The following MAMDC2 variants were observed in gnomAD, a reference collection of about 807,000 sequenced individuals.
MAMDC2 encodes MAM domain containing 2, also known as MAM domain-containing protein 2.
A neutral mutation model predicts 89.8 loss-of-function variants in MAMDC2; 57 were observed. The observed-to-expected ratio is 0.63, with a 90% CI of 0.51 to 0.79. The LOEUF is 0.79. MAMDC2 is among the 30% of genes least tolerant of loss of function. The pLI is 0.00. For synonymous variants in MAMDC2, 313 were observed against 293.4 expected (o/e 1.07, Z -0.68); for missense variants, 800 against 820.6 (o/e 0.97, Z 0.31).
intron 11 of MAMDC2, among the ~76,000 whole-genome samples, chr9:70,197,048 A>C (rs2032986287): frequency 8.4e-6 from 1 of 119,080 alleles, no homozygotes; most frequent in Non-Finnish European, 1.8e-5. Flanking sequence ...CTGCTATAAA[A>C]AATGAAATGA....
chr9:70,185,944 C>T (rs767283009), intron 11 of MAMDC2, among the ~76,000 whole-genome samples: 23 of 152,166 alleles, frequency 1.5e-4, no homozygotes, highest in African/African-American at 4.8e-4. Context: ...AAAAATCACT[C>T]GTCTTCTGCA....
intron 11 of MAMDC2, among the ~76,000 whole-genome samples, chr9:70,207,270 T>C (rs2033246666): frequency 1.3e-5 from 2 of 152,170 alleles, no homozygotes; most frequent in Admixed American, 1.3e-4. Context: ...TTCCTATTTC[T>C]CCACATCCTC....
rs1017555375 is a variant in MAMDC2, at chr9:70,146,137, T to C, written c.1404+2318T>C. ...GTTTAGGAATCTGCCCATTCCTTTA[T>C]AGTGAGTCTCTGCTTATACCTGAAT... On this transcript the variant is annotated intron_variant, in intron 9 of 13. Transcript: ENST00000377182. Among the ~76,000 whole-genome samples, 3 of 152,206 alleles carry C rather than the reference T, an allele frequency of 2.0e-5. No homozygotes were observed. In the East Asian group the frequency reaches 5.8e-4, roughly 29 times the overall value.
At chr9:70,214,559 A>G (rs1158186832) in intron 11 of MAMDC2, among the ~76,000 whole-genome samples, 1 of 152,220 alleles carries the variant, frequency 6.6e-6, no homozygotes, top group Non-Finnish European at 1.5e-5. Flanking sequence ...GGAAGGTTTT[A>G]AATGAGTGGT....
intron 11 of MAMDC2, among the ~76,000 whole-genome samples, chr9:70,182,066 C>T (rs1210389176): frequency 3.9e-5 from 6 of 151,950 alleles, no homozygotes; most frequent in African/African-American, 7.2e-5. Flanking sequence ...TAGCATGAAG[C>T]GGTGTTGAAT....
chr9:70,044,273 G>A, intron 1 of MAMDC2, 42 bp downstream of exon 1: 1 of 1,600,010 alleles, frequency 6.2e-7, no homozygotes, highest in East Asian at 2.2e-5. Flanking sequence ...GCGCTCTGAC[G>A]ACTCGCCCCC....
At chr9:70,164,822 T>C (rs1319529746) in intron 9 of MAMDC2, among the ~76,000 whole-genome samples, 4 of 151,910 alleles carry the variant, frequency 2.6e-5, no homozygotes, top group Non-Finnish European at 5.9e-5. Flanking sequence ...AATTCTTTTG[T>C]AGAGATGGAA....
At chr9:70,161,597 C>T (rs948312715) in intron 9 of MAMDC2, among the ~76,000 whole-genome samples, 3 of 152,230 alleles carry the variant, frequency 2.0e-5, no homozygotes, top group Non-Finnish European at 2.9e-5. Context: ...TAAAGCCTCA[C>T]ACTTACTTTT....
At position 70,103,986 on chromosome 9, in the gene MAMDC2, T is replaced by TA. The variant is rs111553707; in HGVS notation, c.149-4212dup. ...GGCACAGCAAGACTCCGTCTCCATTTAAAAAAAAAAAAAGGTGAAAAGACA... is the reference window on the plus strand; with the variant it reads ...GGCACAGCAAGACTCCGTCTCCATTTAAAAAAAAAAAAAAGGTGAAAAGACA... On this transcript the variant is annotated intron_variant, in intron 2 of 13. Coordinates refer to ENST00000377182, the MANE Select transcript of MAMDC2 (RefSeq NM_153267.5). Among the ~76,000 whole-genome samples the TA allele has an allele frequency of 8.6e-3, 1,210 of 141,500 alleles. 7 individuals carry two copies. Among genetic ancestry groups the TA allele is most frequent in the African/African-American group, 0.028 (1,103 of 38,910 alleles). 92.8% of individuals were successfully genotyped at this position (141,500 alleles called of 152,430 possible). A position where few individuals can be genotyped will look rare whatever the true frequency, so the allele number is the denominator to read the frequency against.
chr9:70,220,567 CAGGCA>C (rs1355928489), intron 12 of MAMDC2, among the ~76,000 whole-genome samples: 1 of 152,216 alleles, frequency 6.6e-6, no homozygotes, highest in Non-Finnish European at 1.5e-5. Context: ...TGCTACATGC[CAGGCA>C]CTTACAGTGC....
At chr9:70,129,839 A>G (rs76907514) in intron 6 of MAMDC2, among the ~76,000 whole-genome samples, 7,856 of 152,202 alleles carry the variant, frequency 0.052, 222 homozygotes, top group South Asian at 0.074. Flanking sequence ...TTTGTATGTC[A>G]TTGTTCTGGA....
intron 11 of MAMDC2, among the ~76,000 whole-genome samples, chr9:70,201,710 G>C (rs1398898072): frequency 7.2e-6 from 1 of 138,386 alleles, no homozygotes; most frequent in African/African-American, 2.9e-5. Context: ...GTAAACTATT[G>C]ATTATTGCCA....
chr9:70,210,483 T>C (rs1190509368), intron 11 of MAMDC2, among the ~76,000 whole-genome samples: 2 of 152,218 alleles, frequency 1.3e-5, no homozygotes, highest in Non-Finnish European at 2.9e-5. Flanking sequence ...TTCCATTTGC[T>C]TGGTAGGTCT....
chr9:70,208,416 A>G (rs1211656326), intron 11 of MAMDC2, among the ~76,000 whole-genome samples: 3 of 152,264 alleles, frequency 2.0e-5, no homozygotes, highest in South Asian at 2.1e-4. Flanking sequence ...AAGTTCACTC[A>G]TGATTTGGCT....
chr9:70,072,196 T>G (rs1373747262), intron 2 of MAMDC2, among the ~76,000 whole-genome samples: 1 of 152,178 alleles, frequency 6.6e-6, no homozygotes, highest in African/African-American at 2.4e-5. Context: ...TTATTTTGTT[T>G]TAAATTCTGA....
chr9:70,061,444 T>C (rs1259352918), intron 2 of MAMDC2, among the ~76,000 whole-genome samples: 1 of 152,208 alleles, frequency 6.6e-6, no homozygotes, highest in African/African-American at 2.4e-5. Context: ...ACTGTATTGG[T>C]ATTCTTTCAG....
chr9:70,210,242 G>T (rs147515008), intron 11 of MAMDC2, among the ~76,000 whole-genome samples: 7 of 152,224 alleles, frequency 4.6e-5, no homozygotes, highest in African/African-American at 1.7e-4. Flanking sequence ...GGGTGTTAAA[G>T]TCTCCCATCA....
intron 6 of MAMDC2, among the ~76,000 whole-genome samples, chr9:70,127,967 G>A (rs1193919789): frequency 6.6e-6 from 1 of 152,118 alleles, no homozygotes; most frequent in Non-Finnish European, 1.5e-5. Context: ...ATCAAATGTT[G>A]CTGAATTTTT....
chr9:70,087,652 A>T (rs1827800979), intron 2 of MAMDC2: 1 of 152,206 alleles, frequency 6.6e-6, no homozygotes, highest in Admixed American at 6.6e-5. Context: ...GTTAAGGGTC[A>T]GAGTCAGCCC....
Sources: gnomAD v4.1 joint callset for allele counts (sites outside exome capture counted in the v4.1 genomes callset) on GRCh38, gnomAD v4.1.1 for gene constraint, MANE v1.5 for transcripts, NCBI Gene and HGNC (gene_info 2026-07-23, HGNC 2026-07-21) for gene names.